The following TTLL8 variants were observed in gnomAD, a reference collection of about 807,000 sequenced individuals.
TTLL8 encodes tubulin tyrosine ligase like 8.
Under a neutral mutation model 77.8 loss-of-function variants are expected in TTLL8, and 65 were observed. The ratio of observed to expected loss-of-function variants is 0.84; its 90% CI spans 0.68 to 1.03. The LOEUF (loss-of-function observed/expected upper bound fraction) is 1.03. TTLL8 is among the 50% of genes least tolerant of loss of function. TTLL8 has a pLI of 0.00. For synonymous variants in TTLL8, 402 were observed against 422.8 expected, an observed-to-expected ratio of 0.95 and a Z score of 0.60; for missense variants, 910 against 1,004.5, an observed-to-expected ratio of 0.91 and a Z score of 1.27.
chr22:50,045,443 G>A, intron 5 of TTLL8, 54 bp from the exon 8 acceptor site: 3 of 1,348,036 alleles, frequency 2.2e-6, no homozygotes, highest in Non-Finnish European at 3.0e-6. Flanking sequence ...CTGGGGACTG[G>A]AGATGGGGCC....
intron 5 of TTLL8, 127 bp downstream of exon 7, chr22:50,045,729 A>G (rs1352262289): frequency 2.5e-6 from 3 of 1,213,566 alleles, no homozygotes; most frequent in Non-Finnish European, 3.2e-6. Flanking sequence ...GACCATGACC[A>G]TGGGAGGCCT....
chr22:50,050,378 T>C, intron 1 of TTLL8, 131 bp from the exon 4 acceptor site: 13 of 348,372 alleles, frequency 3.7e-5, no homozygotes, highest in Non-Finnish European at 5.6e-5. Flanking sequence ...ATATGTCCTT[T>C]TTTTTTTTTT....
chr22:50,034,532 T>C lies in TTLL8; in HGVS notation c.922-70A>G. On this transcript the variant is annotated intron_variant, in intron 8 of 13. Coordinates refer to ENST00000266182, the Ensembl canonical transcript of TTLL8. The surrounding 1 kb of genome is among the most constrained non-coding windows in gnomAD (Gnocchi z 4.1). Reference sequence around the variant, plus strand: ...TACAAAGCAAGATCCAGAAAGTGCATGAGACTTGGAGGCCTGGGCCCCGCC... The same window carrying C: ...TACAAAGCAAGATCCAGAAAGTGCACGAGACTTGGAGGCCTGGGCCCCGCC... 1.5e-6 allele frequency: 2 copies of C among 1,308,806 alleles called. No individual in the cohort carries two copies. Among genetic ancestry groups the C allele is most frequent in the South Asian group, 1.2e-5 (1 of 83,182 alleles). 81.1% of individuals were successfully genotyped at this position (1,308,806 alleles called of 1,614,324 possible). A position where few individuals can be genotyped will look rare whatever the true frequency, so the allele number is the denominator to read the frequency against.
chr22:50,025,563 C>T (rs544740857), intron 12 of TTLL8, among the ~76,000 whole-genome samples: 1 of 152,086 alleles, frequency 6.6e-6, no homozygotes, highest in Non-Finnish European at 1.5e-5. Flanking sequence ...CGCTTAGAAC[C>T]CCAGAGGCTT....
intron 12 of TTLL8, among the ~76,000 whole-genome samples, chr22:50,027,306 C>T (rs1013832985): frequency 4.6e-5 from 7 of 150,886 alleles, no homozygotes; most frequent in South Asian, 2.1e-4. Flanking sequence ...GGCCAAGGTG[C>T]GTGGATTGCC....
chr22:50,033,716 G>A (rs779966536), intron 9 of TTLL8, among the ~76,000 whole-genome samples: 1 of 152,232 alleles, frequency 6.6e-6, no homozygotes, highest in Non-Finnish European at 1.5e-5. Context: ...ATCAGTGAAG[G>A]GGCAGGGACA....
intron 4 of TTLL8, among the ~76,000 whole-genome samples, chr22:50,046,876 C>T (rs1006921921): frequency 1.3e-5 from 2 of 152,214 alleles, no homozygotes; most frequent in Non-Finnish European, 2.9e-5. Context: ...CCCCTCAGCA[C>T]CCAAAGCCCG....
chr22:50,035,129 A>G (rs2061326802), intron 8 of TTLL8, among the ~76,000 whole-genome samples: 1 of 152,166 alleles, frequency 6.6e-6, no homozygotes, highest in Non-Finnish European at 1.5e-5. Flanking sequence ...GGGGGAAGCC[A>G]TGCCAGTACC....
chr22:50,043,199 A>C (rs563130038), intron 6 of TTLL8, among the ~76,000 whole-genome samples: 56 of 152,044 alleles, frequency 3.7e-4, no homozygotes, highest in Non-Finnish European at 7.1e-4. Context: ...AGATGGATAG[A>C]TAGATAAACA....
At chr22:50,043,892 G>T (rs552494747) in intron 6 of TTLL8, among the ~76,000 whole-genome samples, 6 of 152,280 alleles carry the variant, frequency 3.9e-5, no homozygotes. Context: ...AGAGCACAGG[G>T]AGTTTTAGGG....
intron 1 of TTLL8, among the ~76,000 whole-genome samples, chr22:50,051,417 T>C (rs146933699): frequency 5.3e-4 from 81 of 152,368 alleles, no homozygotes; most frequent in South Asian, 1.9e-3. Context: ...ACACCACAGT[T>C]TCTTTATCCG....
At chr22:50,045,117 G>A (rs1280183361) in intron 6 of TTLL8, 138 bp downstream of exon 8, 10 of 999,168 alleles carry the variant, frequency 1.0e-5, no homozygotes, top group East Asian at 6.2e-5. Flanking sequence ...CATGAGAATC[G>A]AGAGAGTCTG....
chr22:50,046,081 A>C (rs1000486102), intron 4 of TTLL8, 111 bp from the exon 7 acceptor site: 5 of 976,300 alleles, frequency 5.1e-6, no homozygotes, highest in Non-Finnish European at 7.0e-6. Context: ...ATGGGGCACC[A>C]CACAGCACCC....
intron 4 of TTLL8, among the ~76,000 whole-genome samples, chr22:50,046,240 G>A (rs2061410669): frequency 6.6e-6 from 1 of 152,146 alleles, no homozygotes; most frequent in Non-Finnish European, 1.5e-5. Context: ...GGAATGGGGA[G>A]GCTGCAGCTG....
chr22:50,034,426 G>A lies in TTLL8; in HGVS notation c.958C>T (p.Pro320Ser). 1 of 1,367,302 alleles carries A rather than the reference G, an allele frequency of 7.3e-7. No individual in the cohort carries two copies. The highest frequency in any genetic ancestry group is 9.8e-7 in the Non-Finnish European group (1 of 1,021,822). The allele number at this position is 1,367,302 out of a possible 1,614,324, so 84.7% of individuals were successfully genotyped here. A position where few individuals can be genotyped will look rare whatever the true frequency, so the allele number is the denominator to read the frequency against. The change falls in exon 9 of 14, where the codon CCT (proline) becomes TCT (serine). Residue 320 changes from proline (P) to serine (S), a missense_variant. By Grantham distance (74) the Pro-to-Ser change is moderately conservative (BLOSUM62 -1). Transcript: ENST00000266182. This position sits in a 1 kb window ranked among gnomAD's most constrained non-coding sequence, Gnocchi z 4.1. ...CGGAGCCCGTCAATGTCCGTCTGAG[G>A]GTTCACAGACGTGATTCTATTCAGC...
At chr22:50,029,712 C>T (rs190683479) in intron 12 of TTLL8, among the ~76,000 whole-genome samples, 2 of 152,248 alleles carry the variant, frequency 1.3e-5, no homozygotes, top group African/African-American at 4.8e-5. Flanking sequence ...GCCTCAGCAA[C>T]AGAGCAAGAC....
exon 12 of TTLL8, chr22:50,030,507 T>C (rs2061280339): frequency 7.5e-7 from 1 of 1,339,920 alleles, no homozygotes; most frequent in South Asian, 1.2e-5. Flanking sequence ...CGGGTGCGCA[T>C]TTAGCTGGTT....
chr22:50,056,994 G>A, upstream of TTLL8: 1 of 1,287,840 alleles, frequency 7.8e-7, no homozygotes, highest in Non-Finnish European at 1.0e-6. The surrounding 1 kb of genome is among the most constrained non-coding windows in gnomAD (Gnocchi z 4.1). Flanking sequence ...GGGTGTGGTG[G>A]TTACAGGAAA....
rs372922659 is a variant in TTLL8, at chr22:50,041,638, C to T, written c.813G>A (p.Gln271=). 39 of 1,364,930 alleles carry T rather than the reference C, an allele frequency of 2.9e-5. No individual in the cohort carries two copies. Among genetic ancestry groups the T allele is most frequent in the Non-Finnish European group, 3.7e-5 (38 of 1,020,896 alleles). 84.6% of individuals were successfully genotyped at this position (1,364,930 alleles called of 1,614,324 possible). ...AGTCTTACTGAACGAGGGAGTAGTACTGCTGGGTCAGGTCCTCCCACTCGG... is the reference window on the plus strand; with the variant it reads ...AGTCTTACTGAACGAGGGAGTAGTATTGCTGGGTCAGGTCCTCCCACTCGG... The change falls in exon 7 of 14, where the codon CAG becomes CAA. Residue 271 remains glutamine, a synonymous_variant. Transcript: ENST00000266182. This position sits in a 1 kb window ranked among gnomAD's most constrained non-coding sequence, Gnocchi z 4.3.
Sources: allele counts gnomAD v4.1 joint callset (sites outside exome capture counted in the v4.1 genomes callset), GRCh38; gene constraint gnomAD v4.1.1; non-coding constraint Gnocchi (gnomAD v3.1); transcripts MANE v1.5; gene names NCBI Gene and HGNC (gene_info 2026-07-23, HGNC 2026-07-21).